DQX1: variants seen among roughly 807,000 people sequenced by gnomAD.
DQX1 encodes the protein DEAQ-box RNA dependent ATPase 1.
Under a neutral mutation model 81.3 loss-of-function variants are expected in DQX1, and 66 were observed. The observed-to-expected ratio is 0.81, with a 90% CI of 0.67 to 1.00. DQX1 has a LOEUF of 1.00. Ranked by LOEUF, DQX1 falls within the 50% of genes least tolerant of loss-of-function variation. The pLI is 0.00. For missense variants in DQX1, 798 were observed against 867.9 expected, an observed-to-expected ratio of 0.92 and a Z score of 1.01; for synonymous variants, 290 against 350.0, an observed-to-expected ratio of 0.83 and a Z score of 1.91.
chr2:74,525,002 C>T lies in DQX1; in HGVS notation c.431+7G>A. 1.2e-6 allele frequency: 2 copies of T among 1,610,366 alleles called. No homozygotes were observed. Among genetic ancestry groups the T allele is most frequent in the Non-Finnish European group, 1.7e-6 (2 of 1,177,898 alleles). ...TATATTCGGGTAAGGCCTGCAGAGG[C>T]CCCCACCTGAGCAGGGTGTTGGGCC... is the stretch of plus-strand genomic sequence containing the variant. On this transcript the variant is annotated splice_region_variant and intron_variant, in intron 3 of 11. Coordinates refer to ENST00000404568, the MANE Select transcript of DQX1 (RefSeq NM_133637.3). This position sits in a 1 kb window ranked among gnomAD's most constrained non-coding sequence, Gnocchi z 4.1.
intron 8 of DQX1, among the ~76,000 whole-genome samples, chr2:74,522,185 G>A (rs1675047063): frequency 6.6e-6 from 1 of 152,182 alleles, no homozygotes; most frequent in African/African-American, 2.4e-5. Context: ...AGTATCCACT[G>A]GATTAGGTAC....
chr2:74,523,761 GT>G (rs1675100771), intron 4 of DQX1, 161 bp downstream of exon 4: 1 of 1,208,648 alleles, frequency 8.3e-7, no homozygotes, highest in African/African-American at 1.5e-5. Context: ...AAATCCTCAA[GT>G]TTTTCTCTGG....
Position 74,520,016 on chromosome 2 carries a change from C to G in DQX1, c.1514G>C (p.Arg505Pro). Reference sequence around the variant, plus strand: ...AGCTTCTTCTGCACTGAGTGGAGGACGGGTAAACCCAGGGGCAGCTGGAGG... The same window carrying G: ...AGCTTCTTCTGCACTGAGTGGAGGAGGGGTAAACCCAGGGGCAGCTGGAGG... Reference protein sequence around the residue: ...AMLTAAPGFTRPPLSAEEAAL... With the variant: ...AMLTAAPGFTPPPLSAEEAAL... Residue 505 changes from arginine (R) to proline (P), a missense_variant, in exon 9 of 12, where the codon CGT becomes CCT. By Grantham distance (103) the Arg-to-Pro change is moderately radical. Transcript: ENST00000404568. 6.2e-7 allele frequency: 1 copy of G among 1,613,230 alleles called. No individual in the cohort carries two copies. The highest frequency in any genetic ancestry group is 8.5e-7 in the Non-Finnish European group (1 of 1,179,338).
chr2:74,525,542 G>A lies in DQX1; in HGVS notation c.188C>T (p.Thr63Ile), dbSNP rs1675154318. ...TFLEQLESNP[T>I]GVVLVSGEPG... Reference sequence around the variant, plus strand: ...CTCCCCAGACACCAGCACCACTCCAGTGGGGTTACTCTCCAACTGCTCCAA... The same window carrying A: ...CTCCCCAGACACCAGCACCACTCCAATGGGGTTACTCTCCAACTGCTCCAA... Residue 63 changes from threonine (T) to isoleucine (I), a missense_variant, in exon 2 of 12, where the codon ACT (threonine) becomes ATT (isoleucine). Coordinates refer to ENST00000404568, the MANE Select transcript of DQX1 (RefSeq NM_133637.3). The surrounding 1 kb of genome is among the most constrained non-coding windows in gnomAD (Gnocchi z 4.1). 6.4e-7 allele frequency: 1 copy of A among 1,552,244 alleles called. No homozygotes were observed. The highest frequency in any genetic ancestry group is 8.7e-7 in the Non-Finnish European group (1 of 1,147,124).
rs1415354254 is a variant in DQX1 at position 74,519,027 on chromosome 2, T to C, written c.1997+13A>G. Reference sequence around the variant, plus strand: ...AGGAATAGGCAGTATAGGAGGGATGTCAGGGAACTCACATCTGTGGTTGAA... The same window carrying C: ...AGGAATAGGCAGTATAGGAGGGATGCCAGGGAACTCACATCTGTGGTTGAA... On this transcript the variant is annotated intron_variant, in intron 11 of 11. Coordinates refer to ENST00000404568, the MANE Select transcript of DQX1 (RefSeq NM_133637.3). The C allele has an allele frequency of 2.6e-6, 4 of 1,558,910 alleles. No homozygotes were observed. In the South Asian group the frequency reaches 4.9e-5, roughly 19 times the overall value.
intron 3 of DQX1, 108 bp downstream of exon 3, chr2:74,524,897 TAAAA>T (rs761494694): frequency 7.8e-5 from 103 of 1,319,674 alleles, no homozygotes; most frequent in Non-Finnish European, 8.9e-5. Flanking sequence ...ATAAATAAAA[TAAAA>T]AAGAGTGAGT....
Position 74,525,355 on chromosome 2 carries a change from C to G in DQX1, c.237+138G>C. 8.0e-7 allele frequency: 1 copy of G among 1,247,604 alleles called. No homozygotes were observed. Among genetic ancestry groups the G allele is most frequent in the South Asian group, 1.5e-5 (1 of 65,702 alleles). 77.3% of individuals were successfully genotyped at this position (1,247,604 alleles called of 1,614,324 possible). A position where few individuals can be genotyped will look rare whatever the true frequency, so the allele number is the denominator to read the frequency against. On this transcript the variant is annotated intron_variant, in intron 2 of 11. Transcript: ENST00000404568. This position sits in a 1 kb window ranked among gnomAD's most constrained non-coding sequence, Gnocchi z 4.1. ...AGGGCCAACCTAACCCATCCCATCT[C>G]TCTTCGTTCACCTTCCTCATGACCC... is the stretch of plus-strand genomic sequence containing the variant.
chr2:74,518,685 T>C lies in DQX1; in HGVS notation c.1998-83A>G, dbSNP rs1674950599. On this transcript the variant is annotated intron_variant, in intron 11 of 11. Transcript: ENST00000404568. ...TTTTAGAGACAGGGTCTCGCTCTGT[T>C]ACCTGGGCTGGAGTTCAGTGGCATG... is the stretch of plus-strand genomic sequence containing the variant. 2.9e-6 allele frequency: 4 copies of C among 1,395,198 alleles called. No homozygotes were observed. In the Admixed American group the frequency reaches 7.8e-5, roughly 27 times the overall value. The allele number at this position is 1,395,198 out of a possible 1,614,324, so 86.4% of individuals were successfully genotyped here.
At position 74,519,540 on chromosome 2, in the gene DQX1, C is replaced by T; in HGVS notation, c.1806+16G>A. On this transcript the variant is annotated intron_variant, in intron 10 of 11. Coordinates refer to ENST00000404568, the MANE Select transcript of DQX1 (RefSeq NM_133637.3). ...TTGCTCCTTTGATCACCCTCACCCC[C>T]ACCCTTTCCTCTAACCTTGAGAAAG... is the stretch of plus-strand genomic sequence containing the variant. 2 of 1,613,248 alleles carry T rather than the reference C, an allele frequency of 1.2e-6. No individual in the cohort carries two copies. Among genetic ancestry groups the T allele is most frequent in the Non-Finnish European group, 1.7e-6 (2 of 1,179,202 alleles).
In DQX1 at chr2:74,519,159, T is replaced by A. The variant is rs746583651; in HGVS notation, c.1878A>T (p.Ser626=). The change falls in exon 11 of 12, where the codon TCA becomes TCT. Residue 626 remains serine (S), a synonymous_variant. Coordinates refer to ENST00000404568, the MANE Select transcript of DQX1 (RefSeq NM_133637.3). ...CTCTGCGGCTTCGGTAGCAGCAGTA[T>A]GAGGAGAGCTGGGCCACATGCTTAT... The part of the protein sequence containing the change: ...LTHKHVAQLS[S]YCCYRSRRAP... 1.5e-5 allele frequency: 24 copies of A among 1,613,168 alleles called. No individual in the cohort carries two copies.
Position 74,519,124 on chromosome 2 carries a change from C to G in DQX1, c.1913G>C (p.Arg638Thr). Residue 638 changes from arginine to threonine, a missense_variant, in exon 11 of 12, where the codon AGA becomes ACA. Arg to Thr is a moderately conservative substitution (Grantham distance 71). Transcript: ENST00000404568. ...GTGGTAGAGCACCCATGGTGGGGGT[C>G]TGGCAGGAGCTCTGCGGCTTCGGTA... is the stretch of plus-strand genomic sequence containing the variant. ...CCYRSRRAPA[R>T]PPPWVLYHNF... 1.2e-6 allele frequency: 2 copies of G among 1,613,032 alleles called. No individual in the cohort carries two copies. The highest frequency in any genetic ancestry group is 1.7e-6 in the Non-Finnish European group (2 of 1,179,538).
At position 74,519,951 on chromosome 2, in the gene DQX1, T is replaced by G. The variant is rs753352733; in HGVS notation, c.1579A>C (p.Ser527Arg). The change falls in exon 9 of 12, where the codon AGT becomes CGT. Residue 527 changes from serine (S) to arginine (R), a missense_variant. Ser to Arg is a moderately radical substitution (Grantham distance 110). Coordinates refer to ENST00000404568, the MANE Select transcript of DQX1 (RefSeq NM_133637.3). ...GCTTCATACACCTGGATCAGAGAACTGTGGTCACCATCCGTGTGTTCCAGG... is the reference window on the plus strand; with the variant it reads ...GCTTCATACACCTGGATCAGAGAACGGTGGTCACCATCCGTGTGTTCCAGG... ...RALEHTDGDH[S>R]SLIQVYEAFI... The G allele has an allele frequency of 5.6e-6, 9 of 1,614,116 alleles. 1 individual carries two copies. The highest frequency in any genetic ancestry group is 5.0e-5 in the Admixed American group (3 of 60,010).
chr2:74,520,172 T>C (rs1674989828), intron 8 of DQX1, 138 bp from the exon 9 acceptor site: 3 of 1,139,140 alleles, frequency 2.6e-6, no homozygotes, highest in Non-Finnish European at 3.7e-6. Flanking sequence ...CTAGGTGCTA[T>C]GCACTTTATT....
Position 74,519,946 on chromosome 2 carries a change from A to G in DQX1, c.1584T>C (p.Ser528=), listed in dbSNP as rs373021609. Residue 528 remains serine (S), a synonymous_variant, in exon 9 of 12, where the codon TCT becomes TCC. Transcript: ENST00000404568. ...TAAAGGCTTCATACACCTGGATCAG[A>G]GAACTGTGGTCACCATCCGTGTGTT... The part of the protein sequence containing the change: ...ALEHTDGDHS[S]LIQVYEAFIQ... 1 of 1,614,108 alleles carries G rather than the reference A, an allele frequency of 6.2e-7. No individual in the cohort carries two copies. The highest frequency in any genetic ancestry group is 1.3e-5 in the African/African-American group (1 of 74,942).
At position 74,518,202 on chromosome 2, in the gene DQX1, G is replaced by A. The variant is rs551482500; in HGVS notation, c.*244C>T. 2.2e-6 allele frequency: 1 copy of A among 446,244 alleles called. No homozygotes were observed. The highest frequency in any genetic ancestry group is 3.5e-5 in the East Asian group (1 of 28,768). The allele number at this position is 446,244 out of a possible 1,614,324, so 27.6% of individuals were successfully genotyped here. A position where few individuals can be genotyped will look rare whatever the true frequency, so the allele number is the denominator to read the frequency against. On this transcript the variant is annotated 3_prime_UTR_variant, in exon 12 of 12. Transcript: ENST00000404568. ...ATGGGTTTGGCAAAGTTAAGAGAAT[G>A]AGGAGCATGTCAGTCCCTCTCCAAT... is the stretch of plus-strand genomic sequence containing the variant.
Position 74,525,716 on chromosome 2 carries a change from G to A in DQX1, c.14C>T (p.Pro5Leu). The part of the protein sequence containing the change: MTSQ[P>L]LRLAEEYGPS... ...GCCATACTCTTCTGCTAGCCTGAGA[G>A]GCTGAGAGGTCATGGTGGCTCTCTG... The change falls in exon 2 of 12, where the codon CCT (proline) becomes CTT (leucine). Residue 5 changes from proline (P) to leucine (L), a missense_variant. Coordinates refer to ENST00000404568, the MANE Select transcript of DQX1 (RefSeq NM_133637.3). This position sits in a 1 kb window ranked among gnomAD's most constrained non-coding sequence, Gnocchi z 4.1. The A allele has an allele frequency of 6.4e-7, 1 of 1,551,578 alleles. No individual in the cohort carries two copies. The highest frequency in any genetic ancestry group is 2.0e-5 in the Admixed American group (1 of 51,014).
chr2:74,518,962 G>C (rs1674955972), intron 11 of DQX1, 78 bp downstream of exon 11: 4 of 1,364,028 alleles, frequency 2.9e-6, no homozygotes, highest in Non-Finnish European at 4.0e-6. Context: ...CCCTTCCTCT[G>C]TCTCTCTAAC....
rs971561684 is a variant in DQX1, at chr2:74,526,142, G to A, written c.-26C>T. 5.1e-6 allele frequency: 1 copy of A among 197,978 alleles called. No homozygotes were observed. The highest frequency in any genetic ancestry group is 5.5e-5 in the Admixed American group (1 of 18,108). 12.3% of individuals were successfully genotyped at this position (197,978 alleles called of 1,614,324 possible). A position where few individuals can be genotyped will look rare whatever the true frequency, so the allele number is the denominator to read the frequency against. ...AGGGATCCTGGATTCAAACCTGCTT[G>A]CAGCTCTAGGACGTGTCAGGACGGC... On this transcript the variant is annotated 5_prime_UTR_variant, in exon 1 of 12. Transcript: ENST00000404568.
rs773034844 is a variant in DQX1 at position 74,523,314 on chromosome 2, C to G, written c.1040G>C (p.Arg347Pro). ...QHVIDSGLEL[R>P]SVYNPRIRAE... ...CTATCTCTCTCTCTCACTCACACTT[C>G]GGAGCTCCAGTCCTGAGTCGATGAC... Residue 347 changes from arginine (R) to proline (P), a missense_variant, in exon 5 of 12, where the codon CGA (arginine) becomes CCA (proline). Arg to Pro is a moderately radical substitution (Grantham distance 103). Coordinates refer to ENST00000404568, the MANE Select transcript of DQX1 (RefSeq NM_133637.3). The G allele has an allele frequency of 1.2e-6, 2 of 1,614,156 alleles. No individual in the cohort carries two copies. Among genetic ancestry groups the G allele is most frequent in the Non-Finnish European group, 1.7e-6 (2 of 1,180,042 alleles).
Sources: gnomAD v4.1 joint callset for allele counts (sites outside exome capture counted in the v4.1 genomes callset) on GRCh38, gnomAD v4.1.1 for gene constraint, Gnocchi (gnomAD v3.1) non-coding constraint, MANE v1.5 for transcripts, NCBI Gene and HGNC (gene_info 2026-07-23, HGNC 2026-07-21) for gene names.